TBC1D22A: variants seen among roughly 807,000 people sequenced by gnomAD.
TBC1D22A encodes the protein TBC1 domain family member 22A, also known as putative GTPase activator.
Under a neutral mutation model 60.2 loss-of-function variants are expected in TBC1D22A, and 38 were observed. The ratio of observed to expected loss-of-function variants is 0.63; its 90% CI spans 0.49 to 0.83. The LOEUF is 0.83. TBC1D22A is among the 40% of genes least tolerant of loss of function. The pLI is 0.00. For synonymous variants in TBC1D22A, 302 were observed against 281.7 expected (o/e 1.07, Z -0.72); for missense variants, 628 against 701.0 (o/e 0.90, Z 1.18).
intron 11 of TBC1D22A, among the ~76,000 whole-genome samples, chr22:47,041,683 G>A (rs1429362670): frequency 6.6e-6 from 1 of 152,246 alleles, no homozygotes; most frequent in Non-Finnish European, 1.5e-5. Context: ...GGCGAGCCGA[G>A]TTTCCGATCC....
chr22:46,848,548 T>G (rs2087125216), intron 4 of TBC1D22A, among the ~76,000 whole-genome samples: 1 of 152,366 alleles, frequency 6.6e-6, no homozygotes, highest in African/African-American at 2.4e-5. Context: ...ACCAACCGTT[T>G]GCAGCCCCTC....
rs565920596 is a variant in TBC1D22A at position 47,127,883 on chromosome 22, GC to G, written c.1425+16283del. ...TCGCCTTCTCACCTGAGCCATCCTG[GC>G]CCAGCCTTGAGGAGCCCCCTGAGGT... On this transcript the variant is annotated intron_variant, in intron 12 of 12. Coordinates refer to ENST00000337137, the MANE Select transcript of TBC1D22A (RefSeq NM_014346.5). Among the ~76,000 whole-genome samples the G allele has an allele frequency of 1.6e-3, 237 of 150,628 alleles. 1 individual carries two copies. Among genetic ancestry groups the G allele is most frequent in the African/African-American group, 5.7e-3 (231 of 40,768 alleles).
intron 11 of TBC1D22A, among the ~76,000 whole-genome samples, chr22:47,100,911 G>A (rs2065390986): frequency 1.3e-5 from 2 of 152,182 alleles, no homozygotes; most frequent in Admixed American, 1.3e-4. Context: ...CTTGGTCTCT[G>A]GTTAGGCAGT....
intron 9 of TBC1D22A, among the ~76,000 whole-genome samples, chr22:46,991,392 T>C (rs1602856615): frequency 6.6e-6 from 1 of 152,286 alleles, no homozygotes; most frequent in African/African-American, 2.4e-5. Context: ...ATAGCGAATG[T>C]GATAGATGGC....
chr22:46,919,103 A>G (rs928356637), intron 8 of TBC1D22A, among the ~76,000 whole-genome samples: 1 of 152,068 alleles, frequency 6.6e-6, no homozygotes, highest in African/African-American at 2.4e-5. Flanking sequence ...TTTTTAGAAT[A>G]TTTTCATCAT....
At chr22:46,784,181 G>A (rs1410454966) in intron 1 of TBC1D22A, among the ~76,000 whole-genome samples, 1 of 152,080 alleles carries the variant, frequency 6.6e-6, no homozygotes, top group Non-Finnish European at 1.5e-5. Context: ...GAGTGGCAGG[G>A]GCTCCAGGTA....
chr22:46,914,984 A>T (rs1436635192), intron 8 of TBC1D22A: 1 of 204,006 alleles, frequency 4.9e-6, no homozygotes. Flanking sequence ...CGGGATGAGG[A>T]GGAGGCTAGA....
chr22:46,793,516 G>A lies in TBC1D22A; in HGVS notation c.135G>A (p.Thr45=), dbSNP rs781486523. The change falls in exon 3 of 13, where the codon ACG becomes ACA. Residue 45 remains threonine, a synonymous_variant. Coordinates refer to ENST00000337137, the MANE Select transcript of TBC1D22A (RefSeq NM_014346.5). The part of the protein sequence containing the change: ...PLLHGTLLRS[T]AKMPTTPVKA... ...TGCATTGCAGTTTGCTCAGGTCCAC[G>A]GCCAAGATGCCGACCACACCAGTGA... The A allele has an allele frequency of 4.3e-6, 7 of 1,614,148 alleles. No homozygotes were observed. Among genetic ancestry groups the A allele is most frequent in the Non-Finnish European group, 5.9e-6 (7 of 1,180,030 alleles).
At chr22:46,870,240 A>C (rs2067240473) in intron 4 of TBC1D22A, among the ~76,000 whole-genome samples, 1 of 152,240 alleles carries the variant, frequency 6.6e-6, no homozygotes, top group Non-Finnish European at 1.5e-5. Context: ...AGGTGCACTG[A>C]ACCCACAACC....
chr22:47,090,946 G>A (rs2064918684), intron 11 of TBC1D22A, among the ~76,000 whole-genome samples: 1 of 145,962 alleles, frequency 6.9e-6, no homozygotes, highest in Non-Finnish European at 1.5e-5. Flanking sequence ...GTGGCTGCGT[G>A]TTGATAGAGA....
intron 12 of TBC1D22A, among the ~76,000 whole-genome samples, chr22:47,112,545 G>A (rs969414998): frequency 3.9e-5 from 6 of 152,228 alleles, no homozygotes; most frequent in African/African-American, 1.4e-4. Context: ...CGAGGGCCTT[G>A]GGAGGAGCCA....
chr22:46,865,860 T>C (rs774627231), intron 4 of TBC1D22A, among the ~76,000 whole-genome samples: 1 of 152,118 alleles, frequency 6.6e-6, no homozygotes, highest in African/African-American at 2.4e-5. Context: ...TGAGTAACAA[T>C]GATAAGAACA....
At chr22:46,765,957 ATGTGTGTGTGTGTGTGTGTGTG>A (rs747869318) in intron 1 of TBC1D22A, among the ~76,000 whole-genome samples, 16 of 128,654 alleles carry the variant, frequency 1.2e-4, no homozygotes, top group Admixed American at 8.6e-4. Flanking sequence ...CAGCTAATTT[ATGTGTGTGTGTGTGTGTGTGTG>A]TGTGTGTGTG....
At chr22:47,019,424 C>T (rs187625535) in intron 10 of TBC1D22A, among the ~76,000 whole-genome samples, 2 of 152,330 alleles carry the variant, frequency 1.3e-5, no homozygotes, top group East Asian at 1.9e-4. Flanking sequence ...AGACGGGAGC[C>T]GTCACTGGCT....
At chr22:47,025,826 G>A (rs1178426822) in intron 10 of TBC1D22A, among the ~76,000 whole-genome samples, 3 of 152,164 alleles carry the variant, frequency 2.0e-5, no homozygotes, top group Non-Finnish European at 4.4e-5. Flanking sequence ...TGTGTCAGAC[G>A]AGGCTGTGCT....
Position 46,812,143 on chromosome 22 carries a change from G to A in TBC1D22A, c.637+14523G>A, listed in dbSNP as rs2085403160. The stretch of plus-strand genomic sequence containing the variant: ...TCTGGTGCTTTGTGATTATCCTGCT[G>A]TAGGGCTGGAAGTGACGTGGGGGTG... On this transcript the variant is annotated intron_variant, in intron 4 of 12. Coordinates refer to ENST00000337137, the MANE Select transcript of TBC1D22A (RefSeq NM_014346.5). Among the ~76,000 whole-genome samples, 3 of 152,318 alleles carry A rather than the reference G, an allele frequency of 2.0e-5. No homozygotes were observed. The South Asian group carries it at 6.2e-4, about 32-fold the overall frequency.
intron 10 of TBC1D22A, among the ~76,000 whole-genome samples, chr22:47,022,275 A>T (rs1347562214): frequency 1.3e-5 from 2 of 152,226 alleles, no homozygotes; most frequent in Non-Finnish European, 2.9e-5. Context: ...GGAAAAAAAT[A>T]TGTGAAACAA....
intron 11 of TBC1D22A, among the ~76,000 whole-genome samples, chr22:47,070,894 C>T (rs890863343): frequency 3.3e-5 from 5 of 150,498 alleles, no homozygotes; most frequent in African/African-American, 1.2e-4. Context: ...CTGACGGTTC[C>T]AGGCTGTTCC....
At chr22:47,076,435 G>C (rs922054970) in intron 11 of TBC1D22A, among the ~76,000 whole-genome samples, 1 of 142,784 alleles carries the variant, frequency 7.0e-6, no homozygotes, top group Admixed American at 7.2e-5. Flanking sequence ...GTTTTCCCAT[G>C]GTGCATTTAA....
Sources: allele counts gnomAD v4.1 joint callset (sites outside exome capture counted in the v4.1 genomes callset), GRCh38; gene constraint gnomAD v4.1.1; transcripts MANE v1.5; gene names NCBI Gene and HGNC (gene_info 2026-07-23, HGNC 2026-07-21).